ATM: variants seen among roughly 807,000 people sequenced by gnomAD.
ATM encodes ATM serine/threonine kinase.
A neutral mutation model predicts 387.0 loss-of-function variants in ATM; 308 were observed. The ratio of observed to expected loss-of-function variants is 0.80; its 90% CI spans 0.73 to 0.87. ATM has a LOEUF of 0.87. ATM is among the 40% of genes least tolerant of loss of function. ATM has a pLI of 0.00. For missense variants in ATM, 3,312 were observed against 3,560.9 expected, an observed-to-expected ratio of 0.93 and a Z score of 1.78; for synonymous variants, 1,156 against 1,187.3, an observed-to-expected ratio of 0.97 and a Z score of 0.54.
At chr11:108,341,176 C>G (rs2087522057) in intron 56 of ATM, among the ~76,000 whole-genome samples, 1 of 152,020 alleles carries the variant, frequency 6.6e-6, no homozygotes, top group South Asian at 2.1e-4. Flanking sequence ...CTTACCTGGT[C>G]TTTTGCAATT....
intron 22 of ATM, among the ~76,000 whole-genome samples, chr11:108,279,005 T>A (rs1480255433): frequency 6.6e-6 from 1 of 152,188 alleles, no homozygotes; most frequent in Admixed American, 6.5e-5. Flanking sequence ...GATTAAAGAG[T>A]TATCCTTAAA....
At chr11:108,229,565 T>TTGTA in intron 4 of ATM, 1 of 432,820 alleles carries the variant, frequency 2.3e-6, no homozygotes, top group Non-Finnish European at 4.1e-6. Flanking sequence ...TAACTGGTTG[T>TTGTA]GATCAATTCG....
intron 56 of ATM, among the ~76,000 whole-genome samples, chr11:108,341,826 A>G (rs2087614135): frequency 6.6e-6 from 1 of 152,240 alleles, no homozygotes; most frequent in Non-Finnish European, 1.5e-5. Context: ...AAAAAGCCTG[A>G]CAATATTAAG....
In ATM at chr11:108,227,661, C is replaced by T. The variant is rs141586345; in HGVS notation, c.37C>T (p.Arg13Cys). 18 of 1,613,346 alleles carry T rather than the reference C, an allele frequency of 1.1e-5. No individual in the cohort carries two copies. In the East Asian group the frequency reaches 1.3e-4, roughly 12 times the overall value. Residue 13 changes from arginine (R) to cysteine (C), a missense_variant, in exon 2 of 63, where the codon CGT (arginine) becomes TGT (cysteine). Arg to Cys is a radical substitution (Grantham distance 180, BLOSUM62 -3). This residue lies in a region of ATM where 1,791 missense variants were observed against 1,804.5 expected (regional missense o/e 0.99). Transcript: ENST00000675843. ...LVLNDLLICC[R>C]QLEHDRATER... ...ACTTAATGATCTGCTTATCTGCTGC[C>T]GTCAACTAGAACATGATAGAGCTAC...
intron 18 of ATM, 47 bp from the exon 19 acceptor site, chr11:108,271,017 A>T (rs2135546133): frequency 6.6e-7 from 1 of 1,505,574 alleles, no homozygotes; most frequent in Non-Finnish European, 9.2e-7. Context: ...TTTTTAAAGT[A>T]AATGATTTGT....
intron 45 of ATM, among the ~76,000 whole-genome samples, chr11:108,322,223 C>T (rs988479552): frequency 1.3e-5 from 2 of 152,072 alleles, no homozygotes; most frequent in African/African-American, 2.4e-5. Flanking sequence ...GGTATAATCT[C>T]AGCTCACTGC....
In ATM at chr11:108,367,499, C is replaced by A. The variant is rs908319176; in HGVS notation, c.*1991C>A. 2.4e-5 allele frequency: 5 copies of A among 205,442 alleles called. No individual in the cohort carries two copies. The highest frequency in any genetic ancestry group is 9.1e-5 in the African/African-American group (4 of 43,752). The allele number at this position is 205,442 out of a possible 1,614,324, so 12.7% of individuals were successfully genotyped here. On this transcript the variant is annotated 3_prime_UTR_variant, in exon 63 of 63. Coordinates refer to ENST00000675843, the MANE Select transcript of ATM (RefSeq NM_000051.4). ...AAGATAAACATCAGATAAAAAGCCACCTGAAAGTAAAACTACTGACTCGTG... is the reference window on the plus strand; with the variant it reads ...AAGATAAACATCAGATAAAAAGCCAACTGAAAGTAAAACTACTGACTCGTG...
At chr11:108,353,707 C>A (rs2089482191) in intron 59 of ATM, 59 bp from the exon 60 acceptor site, 1 of 1,367,770 alleles carries the variant, frequency 7.3e-7, no homozygotes, top group Non-Finnish European at 1.0e-6. Flanking sequence ...CACATTCTAA[C>A]TGGAAAGAAA....
At chr11:108,282,976 A>G in intron 25 of ATM, 97 bp downstream of exon 25, 2 of 768,202 alleles carry the variant, frequency 2.6e-6, no homozygotes, top group Non-Finnish European at 4.2e-6. Flanking sequence ...TACCATACCC[A>G]TACACATGTG....
intron 16 of ATM, 70 bp from the exon 17 acceptor site, chr11:108,267,101 A>G: frequency 6.7e-7 from 1 of 1,484,390 alleles, no homozygotes; most frequent in Non-Finnish European, 9.3e-7. Flanking sequence ...CAGCCTGATT[A>G]GGTAAATTTT....
chr11:108,311,794 TTATTAC>T (rs1657653300), intron 39 of ATM, among the ~76,000 whole-genome samples: 1 of 152,196 alleles, frequency 6.6e-6, no homozygotes. Flanking sequence ...ATGTACTAGA[TTATTAC>T]TGTTATAGAC....
chr11:108,344,569 T>C (rs921256785), intron 57 of ATM, among the ~76,000 whole-genome samples: 1 of 152,092 alleles, frequency 6.6e-6, no homozygotes, highest in African/African-American at 2.4e-5. Context: ...CCGACGGCAC[T>C]GTGGGTTCTA....
chr11:108,346,434 T>C (rs1291216285), intron 58 of ATM: 1 of 152,666 alleles, frequency 6.6e-6, no homozygotes, highest in Non-Finnish European at 1.5e-5. Context: ...GTAGATAGTA[T>C]GGTTAACAAA....
At chr11:108,306,018 C>T (rs2083672258) in intron 37 of ATM, among the ~76,000 whole-genome samples, 1 of 152,188 alleles carries the variant, frequency 6.6e-6, no homozygotes, top group South Asian at 2.1e-4. Context: ...TCCTCCCAAT[C>T]CTTCCAGTCA....
Position 108,368,155 on chromosome 11 carries a change from A to G in ATM, c.*2647A>G, listed in dbSNP as rs141276913. On this transcript the variant is annotated 3_prime_UTR_variant, in exon 63 of 63. Transcript: ENST00000675843. ...AAAAGTTTATCAAATTTACATACAG[A>G]TCACAAGCCTAGGAGAAATAACTAA... 9.6e-6 allele frequency: 2 copies of G among 207,506 alleles called. No individual in the cohort carries two copies. Among genetic ancestry groups the G allele is most frequent in the African/African-American group, 4.5e-5 (2 of 44,072 alleles). 12.9% of individuals were successfully genotyped at this position (207,506 alleles called of 1,614,324 possible).
intron 56 of ATM, among the ~76,000 whole-genome samples, chr11:108,339,489 T>A (rs543636394): frequency 2.6e-5 from 4 of 152,280 alleles, no homozygotes; most frequent in Admixed American, 6.5e-5. Flanking sequence ...AGCTGTGTAC[T>A]TTCAGAGAAC....
chr11:108,335,224 GA>G, intron 55 of ATM, 115 bp downstream of exon 55: 1 of 1,569,336 alleles, frequency 6.4e-7, no homozygotes. Flanking sequence ...ACTTACAAAT[GA>G]GGAAGATTTG....
At chr11:108,269,874 T>C (rs1334050361) in intron 18 of ATM, among the ~76,000 whole-genome samples, 2 of 152,204 alleles carry the variant, frequency 1.3e-5, no homozygotes, top group African/African-American at 4.8e-5. Flanking sequence ...GCCCCTGGTT[T>C]AGGTCCTCGC....
intron 61 of ATM, chr11:108,355,486 G>C (rs1042466980): frequency 9.5e-5 from 15 of 157,194 alleles, no homozygotes; most frequent in African/African-American, 3.6e-4. Context: ...CAGTGTCTGT[G>C]CTGTTAGTAC....
Sources: allele counts gnomAD v4.1 joint callset (sites outside exome capture counted in the v4.1 genomes callset), GRCh38; gene constraint gnomAD v4.1.1; regional missense constraint gnomAD v4.1.1; transcripts MANE v1.5; gene names NCBI Gene and HGNC (gene_info 2026-07-23, HGNC 2026-07-21).